The following ERICH3 variants were observed in gnomAD, a reference collection of about 807,000 sequenced individuals.
ERICH3 encodes glutamate rich 3.
Under a neutral mutation model 131.1 loss-of-function variants are expected in ERICH3, and 126 were observed. The observed-to-expected ratio is 0.96, with a 90% confidence interval of 0.83 to 1.11. ERICH3 has a LOEUF of 1.11. Ranked by LOEUF, ERICH3 falls within the 50% of genes most tolerant of loss-of-function variation. The probability of loss-of-function intolerance (pLI) is 0.00; values close to 1 mark genes in which losing one functional copy is unlikely to be tolerated. For synonymous variants in ERICH3, 695 were observed against 644.6 expected (o/e 1.08, Z -1.18); for missense variants, 2,050 against 1,810.7 (o/e 1.13, Z -2.40).
intron 8 of ERICH3, 123 bp downstream of exon 8, chr1:74,620,611 T>C: frequency 1.2e-6 from 1 of 806,752 alleles, no homozygotes; most frequent in Non-Finnish European, 1.8e-6. Flanking sequence ...GCAGCTGGTT[T>C]ATAAGTCCCT....
In ERICH3 at chr1:74,673,556, G is replaced by T; in HGVS notation, c.-37C>A. On this transcript the variant is annotated 5_prime_UTR_variant, in exon 1 of 15. Coordinates refer to ENST00000326665, the MANE Select transcript of ERICH3 (RefSeq NM_001002912.5). ...CCCTTTTGGACCCCGCGGCAGGTGC[G>T]GAGGGTGGGTGCGTGGGGCCCCGTG... is the stretch of plus-strand genomic sequence containing the variant. The T allele has an allele frequency of 1.2e-6, 2 of 1,607,736 alleles. No individual in the cohort carries two copies. Among genetic ancestry groups the T allele is most frequent in the Non-Finnish European group, 1.7e-6 (2 of 1,177,442 alleles).
At chr1:74,574,591 T>C (rs1273998262) in intron 13 of ERICH3, among the ~76,000 whole-genome samples, 1 of 152,204 alleles carries the variant, frequency 6.6e-6, no homozygotes, top group Non-Finnish European at 1.5e-5. Flanking sequence ...CAAAGCAAGA[T>C]AGGACTTTGC....
At chr1:74,628,867 C>T (rs927963008) in intron 7 of ERICH3, among the ~76,000 whole-genome samples, 1 of 151,956 alleles carries the variant, frequency 6.6e-6, no homozygotes, top group African/African-American at 2.4e-5. Flanking sequence ...CAGAACTTGG[C>T]ATAATTACAA....
chr1:74,605,308 G>A (rs1648333641), intron 10 of ERICH3, among the ~76,000 whole-genome samples: 1 of 151,806 alleles, frequency 6.6e-6, no homozygotes, highest in South Asian at 2.1e-4. Context: ...CTTCTATTGA[G>A]ACCGCTAAAA....
intron 1 of ERICH3, among the ~76,000 whole-genome samples, chr1:74,666,550 C>T (rs1298411696): frequency 6.6e-6 from 1 of 152,138 alleles, no homozygotes; most frequent in Non-Finnish European, 1.5e-5. Context: ...AGGTGAATTA[C>T]TTTAATCCGA....
At chr1:74,651,762 T>C (rs546518896) in intron 1 of ERICH3, among the ~76,000 whole-genome samples, 2 of 152,226 alleles carry the variant, frequency 1.3e-5, no homozygotes, top group South Asian at 4.1e-4. Context: ...TTAAATGAAG[T>C]GGGGGTCAAA....
intron 11 of ERICH3, among the ~76,000 whole-genome samples, chr1:74,592,728 G>A (rs1213113774): frequency 5.3e-5 from 8 of 152,124 alleles, no homozygotes; most frequent in Non-Finnish European, 1.0e-4. Context: ...GAAGTGGCCA[G>A]GGCACCTGAC....
intron 1 of ERICH3, among the ~76,000 whole-genome samples, chr1:74,661,324 T>C (rs990405682): frequency 6.6e-6 from 1 of 152,170 alleles, no homozygotes; most frequent in Non-Finnish European, 1.5e-5. Context: ...AATTCTCAAA[T>C]TTGATAAAAA....
At chr1:74,626,727 C>T (rs562114271) in intron 7 of ERICH3, among the ~76,000 whole-genome samples, 3 of 152,240 alleles carry the variant, frequency 2.0e-5, no homozygotes, top group Admixed American at 1.3e-4. Context: ...TAACTAGCCT[C>T]ATGGATTCTG....
chr1:74,579,668 G>T (rs902854958), intron 12 of ERICH3: 2 of 985,196 alleles, frequency 2.0e-6, no homozygotes, highest in Non-Finnish European at 2.4e-6. Flanking sequence ...GCAAGAACTT[G>T]GCTGGTGTCT....
Position 74,573,113 on chromosome 1 carries a change from T to C in ERICH3, c.2597A>G (p.Asp866Gly), listed in dbSNP as rs779581893. 7 of 1,613,970 alleles carry C rather than the reference T, an allele frequency of 4.3e-6. No individual in the cohort carries two copies. The highest frequency in any genetic ancestry group is 8.5e-7 in the Non-Finnish European group (1 of 1,179,968). ...CTCATCTTTACTCAGACCCACAGCA[T>C]CTTTTGCTGCTGCTTGTCCTATGGG... ...SDPIGQAAAK[D>G]AVGLSKDEAP... The change falls in exon 14 of 15, where the codon GAT (aspartate) becomes GGT (glycine). Residue 866 changes from aspartate to glycine, a missense_variant. Transcript: ENST00000326665.
intron 9 of ERICH3, among the ~76,000 whole-genome samples, chr1:74,612,057 G>C (rs1346389706): frequency 2.0e-5 from 3 of 152,156 alleles, no homozygotes; most frequent in African/African-American, 4.8e-5. Context: ...ATTTCAAACA[G>C]AATGTTCAGT....
At chr1:74,575,578 G>A (rs1570799579) in intron 13 of ERICH3, among the ~76,000 whole-genome samples, 1 of 152,142 alleles carries the variant, frequency 6.6e-6, no homozygotes, top group Admixed American at 6.5e-5. Context: ...AAACAATAAC[G>A]TGTGTCAAGT....
chr1:74,590,291 G>A (rs1647530176), intron 11 of ERICH3, among the ~76,000 whole-genome samples: 1 of 152,086 alleles, frequency 6.6e-6, no homozygotes, highest in African/African-American at 2.4e-5. Context: ...CCATGGACTG[G>A]GGTTGAGTGG....
intron 10 of ERICH3, among the ~76,000 whole-genome samples, chr1:74,605,866 A>T (rs1396596987): frequency 2.0e-5 from 3 of 151,942 alleles, no homozygotes; most frequent in African/African-American, 7.2e-5. Context: ...TGATGCTGAT[A>T]GACTTTGGTG....
intron 10 of ERICH3, among the ~76,000 whole-genome samples, chr1:74,604,619 C>T (rs903118288): frequency 3.9e-5 from 6 of 151,922 alleles, no homozygotes; most frequent in African/African-American, 1.5e-4. Context: ...ACAACATTAT[C>T]GCACTGCACA....
chr1:74,666,061 A>T (rs1219427247), intron 1 of ERICH3, among the ~76,000 whole-genome samples: 1 of 152,196 alleles, frequency 6.6e-6, no homozygotes, highest in Non-Finnish European at 1.5e-5. Flanking sequence ...TGACCATCAA[A>T]AAAGGGCATA....
At chr1:74,600,054 T>C in intron 10 of ERICH3, 123 bp from the exon 11 acceptor site, 1 of 685,198 alleles carries the variant, frequency 1.5e-6, no homozygotes, top group African/African-American at 1.8e-5. Flanking sequence ...TTGCTTCTTC[T>C]TTTTCGTTCA....
intron 12 of ERICH3, 80 bp from the exon 13 acceptor site, chr1:74,577,016 G>T: frequency 7.3e-7 from 1 of 1,378,448 alleles, no homozygotes; most frequent in African/African-American, 1.5e-5. Flanking sequence ...CTCTCCAGTT[G>T]GGTCAGTTAA....
Sources: gnomAD v4.1 joint callset for allele counts (sites outside exome capture counted in the v4.1 genomes callset) on GRCh38, gnomAD v4.1.1 for gene constraint, MANE v1.5 for transcripts, NCBI Gene and HGNC (gene_info 2026-07-23, HGNC 2026-07-21) for gene names.